RAB8B: variants seen among roughly 807,000 people sequenced by gnomAD.
RAB8B encodes the protein ras-related protein Rab-8B.
A neutral mutation model predicts 32.0 loss-of-function variants in RAB8B; 11 were observed. That is an observed-to-expected ratio of 0.34 (90% CI 0.22 to 0.57). RAB8B has a LOEUF of 0.57. Ranked by LOEUF, RAB8B falls within the 20% of genes least tolerant of loss-of-function variation. The probability of loss-of-function intolerance (pLI) is 0.86; values close to 1 mark genes in which losing one functional copy is unlikely to be tolerated. For synonymous variants in RAB8B, 103 were observed against 89.6 expected, an observed-to-expected ratio of 1.15 and a Z score of -0.85; for missense variants, 190 against 258.5, an observed-to-expected ratio of 0.73 and a Z score of 1.82.
intron 1 of RAB8B, among the ~76,000 whole-genome samples, chr15:63,242,863 G>A (rs2038043593): frequency 1.3e-5 from 2 of 152,048 alleles, no homozygotes; most frequent in Non-Finnish European, 2.9e-5. Flanking sequence ...ACTGGAGGTG[G>A]TGGTGGTGTG....
chr15:63,195,854 C>T (rs2141105894), intron 1 of RAB8B, among the ~76,000 whole-genome samples: 1 of 152,260 alleles, frequency 6.6e-6, no homozygotes, highest in South Asian at 2.1e-4. Flanking sequence ...TATCACTAAG[C>T]TTCAGAAATG....
intron 1 of RAB8B, among the ~76,000 whole-genome samples, chr15:63,222,356 T>C (rs2037851510): frequency 6.6e-6 from 1 of 152,220 alleles, no homozygotes; most frequent in South Asian, 2.1e-4. Context: ...CTCCCTGCTG[T>C]TGTTAAACCT....
At chr15:63,230,679 G>A (rs1004825812) in intron 1 of RAB8B, among the ~76,000 whole-genome samples, 7 of 152,128 alleles carry the variant, frequency 4.6e-5, no homozygotes, top group Non-Finnish European at 1.0e-4. Flanking sequence ...GCAGGAGAGA[G>A]TATGATTTTA....
intron 1 of RAB8B, among the ~76,000 whole-genome samples, chr15:63,208,905 T>TC (rs951628453): frequency 2.0e-5 from 3 of 151,636 alleles, no homozygotes; most frequent in Non-Finnish European, 4.4e-5. Flanking sequence ...TTTTTTTTTT[T>TC]TTTTTGAGGG....
At chr15:63,250,027 T>C (rs920114296) in intron 3 of RAB8B, among the ~76,000 whole-genome samples, 3 of 152,032 alleles carry the variant, frequency 2.0e-5, no homozygotes, top group Admixed American at 2.0e-4. Context: ...TCCCAGCTAC[T>C]CGGGAGGCTG....
Position 63,259,252 on chromosome 15 carries a change from TG to T in RAB8B, c.415-372del, listed in dbSNP as rs1374327701. Among the ~76,000 whole-genome samples, 3 of 152,102 alleles carry T rather than the reference TG, an allele frequency of 2.0e-5. No homozygotes were observed. On this transcript the variant is annotated intron_variant, in intron 5 of 7. Coordinates refer to ENST00000321437, the MANE Select transcript of RAB8B (RefSeq NM_016530.3). This position sits in a 1 kb window ranked among gnomAD's most constrained non-coding sequence, Gnocchi z 4.4. Reference sequence around the variant, plus strand: ...CTCCTGCCTCAGCCTCCCGGGTAGCTGGGACTACAGGCGGGTGCCACCACGC... The same window carrying T: ...CTCCTGCCTCAGCCTCCCGGGTAGCTGGACTACAGGCGGGTGCCACCACGC...
chr15:63,250,061 A>G (rs557953709), intron 3 of RAB8B, among the ~76,000 whole-genome samples: 6 of 152,310 alleles, frequency 3.9e-5, no homozygotes, highest in East Asian at 1.9e-4. Context: ...GCGTGAACCC[A>G]GGAAGAGGAG....
At chr15:63,223,446 C>T (rs1388078249) in intron 1 of RAB8B, among the ~76,000 whole-genome samples, 1 of 152,118 alleles carries the variant, frequency 6.6e-6, no homozygotes, top group Non-Finnish European at 1.5e-5. Flanking sequence ...TTTTACTGTA[C>T]TTTTTCTATG....
chr15:63,233,803 GT>G (rs566520990), intron 1 of RAB8B, among the ~76,000 whole-genome samples: 20 of 150,860 alleles, frequency 1.3e-4, no homozygotes, highest in African/African-American at 3.9e-4. Flanking sequence ...ACAAAGTCCT[GT>G]TTTTTTTTCC....
chr15:63,249,799 A>G (rs2038099623), intron 3 of RAB8B, 94 bp downstream of exon 3: 5 of 1,303,856 alleles, frequency 3.8e-6, no homozygotes, highest in Admixed American at 2.5e-5. Flanking sequence ...GGAGTCTAGT[A>G]TGTAGAAAAA....
chr15:63,223,096 C>T (rs1297772025), intron 1 of RAB8B: 1 of 451,650 alleles, frequency 2.2e-6, no homozygotes, highest in Non-Finnish European at 4.4e-6. Context: ...TATAGGTATA[C>T]CATTTTTATT....
intron 1 of RAB8B, among the ~76,000 whole-genome samples, chr15:63,218,284 CTTG>C (rs1567012365): frequency 6.6e-6 from 1 of 152,182 alleles, no homozygotes; most frequent in Non-Finnish European, 1.5e-5. Flanking sequence ...CCCTTGCAGA[CTTG>C]TTATGAGAAT....
At chr15:63,212,482 A>G (rs2141116636) in intron 1 of RAB8B, among the ~76,000 whole-genome samples, 1 of 152,280 alleles carries the variant, frequency 6.6e-6, no homozygotes, top group South Asian at 2.1e-4. Context: ...CTGATTGGGG[A>G]TCAGAAGAGT....
At chr15:63,241,428 G>T (rs2038031196) in intron 1 of RAB8B, among the ~76,000 whole-genome samples, 1 of 152,090 alleles carries the variant, frequency 6.6e-6, no homozygotes, top group African/African-American at 2.4e-5. Flanking sequence ...GTATACAGTA[G>T]GCATTTTGAA....
rs2038250577 is a variant in RAB8B, at chr15:63,266,662, AG to A, written c.*3044del. The A allele has an allele frequency of 6.6e-6, 1 of 152,604 alleles. No individual in the cohort carries two copies. The highest frequency in any genetic ancestry group is 2.1e-4 in the South Asian group (1 of 4,832). The allele number at this position is 152,604 out of a possible 1,614,324, so 9.5% of individuals were successfully genotyped here. On this transcript the variant is annotated 3_prime_UTR_variant, in exon 8 of 8. Transcript: ENST00000321437. ...ATCATTGGGAAAGGTAGGAAATATT[AG>A]TTTAGGATAGAGCATACATGTCATA...
In RAB8B at chr15:63,255,103, G is replaced by A. The variant is rs189415784; in HGVS notation, c.247-404G>A. ...TGGTCTCAATCTTAGTAGAAGAGTA[G>A]AAAGCAAGATAGTTTCTACTTGGAA... On this transcript the variant is annotated intron_variant, in intron 3 of 7. Coordinates refer to ENST00000321437, the MANE Select transcript of RAB8B (RefSeq NM_016530.3). Among the ~76,000 whole-genome samples the A allele has an allele frequency of 2.4e-4, 36 of 152,298 alleles. 1 individual carries two copies. Among genetic ancestry groups the A allele is most frequent in the Admixed American group, 1.7e-3 (26 of 15,300 alleles).
At position 63,194,221 on chromosome 15, in the gene RAB8B, T is replaced by C. The variant is rs536079592; in HGVS notation, c.124+4473T>C. 9.1e-4 allele frequency among the ~76,000 whole-genome samples: 139 copies of C among 152,362 alleles called. 3 individuals are homozygous for C. In the South Asian group the frequency reaches 0.028, roughly 30 times the overall value. On this transcript the variant is annotated intron_variant, in intron 1 of 7. Coordinates refer to ENST00000321437, the MANE Select transcript of RAB8B (RefSeq NM_016530.3). ...AAATAAAAAAAAAATGAAGGTTTAA[T>C]TGACACCCTCAAAATTACACAGCTG...
At chr15:63,220,838 A>G (rs1463673081) in intron 1 of RAB8B, among the ~76,000 whole-genome samples, 1 of 152,090 alleles carries the variant, frequency 6.6e-6, no homozygotes, top group African/African-American at 2.4e-5. Context: ...CTTTTTTTTA[A>G]AAAGGGTTTA....
At chr15:63,240,059 A>G (rs2038019497) in intron 1 of RAB8B, among the ~76,000 whole-genome samples, 1 of 151,922 alleles carries the variant, frequency 6.6e-6, no homozygotes, top group African/African-American at 2.4e-5. Flanking sequence ...CACTGAGAGA[A>G]GCAAAAGGCC....
Sources: allele counts gnomAD v4.1 joint callset (sites outside exome capture counted in the v4.1 genomes callset), GRCh38; gene constraint gnomAD v4.1.1; non-coding constraint Gnocchi (gnomAD v3.1); transcripts MANE v1.5; gene names NCBI Gene and HGNC (gene_info 2026-07-23, HGNC 2026-07-21).